Variants in MCPH1 observed in about 807,000 individuals in gnomAD.
MCPH1 encodes the protein microcephalin 1.
In MCPH1, 104 loss-of-function variants were observed where a neutral mutation model predicts 84.5. The observed-to-expected ratio is 1.23, with a 90% CI of 1.05 to 1.45. The LOEUF (loss-of-function observed/expected upper bound fraction) is 1.45, where lower values mean the gene tolerates loss of function less well. Ranked by LOEUF, MCPH1 falls within the 40% of genes most tolerant of loss-of-function variation. MCPH1 has a pLI of 0.00. For missense variants in MCPH1, 1,498 were observed against 1,005.7 expected (o/e 1.49, Z -6.62); for synonymous variants, 514 against 366.8 (o/e 1.40, Z -4.58).
chr8:6,420,578 T>C (rs1270843569), intron 3 of MCPH1, among the ~76,000 whole-genome samples: 1 of 152,156 alleles, frequency 6.6e-6, no homozygotes, highest in Non-Finnish European at 1.5e-5. Flanking sequence ...GCCATCATTG[T>C]TTTCTCTACC....
At chr8:6,626,361 C>A (rs1832073796) in intron 13 of MCPH1, 1 of 985,134 alleles carries the variant, frequency 1.0e-6, no homozygotes, top group Non-Finnish European at 1.2e-6. Flanking sequence ...TACGTTCCCT[C>A]TTCATTCCCT....
chr8:6,466,747 G>C (rs938261941), intron 9 of MCPH1, among the ~76,000 whole-genome samples: 2 of 151,482 alleles, frequency 1.3e-5, no homozygotes, highest in Admixed American at 6.6e-5. Context: ...CCTAATTTTT[G>C]TACTTTTAAG....
chr8:6,475,727 G>T (rs1228590877), intron 9 of MCPH1, among the ~76,000 whole-genome samples: 2 of 152,316 alleles, frequency 1.3e-5, no homozygotes, highest in East Asian at 3.9e-4. Flanking sequence ...GGGGGCCAGG[G>T]CATTGTCCAA....
At chr8:6,542,281 G>T (rs1033901722) in intron 12 of MCPH1, among the ~76,000 whole-genome samples, 1 of 151,666 alleles carries the variant, frequency 6.6e-6, no homozygotes, top group African/African-American at 2.4e-5. Flanking sequence ...GTCTACACAT[G>T]TGAGGTAGGG....
At chr8:6,566,765 T>C (rs2442532) in intron 12 of MCPH1, among the ~76,000 whole-genome samples, 105,739 of 145,374 alleles carry the variant, frequency 0.73, 40,407 homozygotes, top group Non-Finnish European at 0.85. Context: ...CATGTGTGAT[T>C]GGCATGACCA....
chr8:6,518,726 T>C (rs111529230), intron 12 of MCPH1, among the ~76,000 whole-genome samples: 20 of 152,332 alleles, frequency 1.3e-4, no homozygotes, highest in African/African-American at 3.1e-4. Flanking sequence ...CTGTATTCTC[T>C]GTAGTTATTT....
At chr8:6,505,240 ATATATATTCTTTATATATGTTT>A (rs1242434524) in intron 12 of MCPH1, among the ~76,000 whole-genome samples, 4 of 790 alleles carry the variant, frequency 5.1e-3, no homozygotes, top group Admixed American at 0.02. Flanking sequence ...TATATATAGA[ATATATATTCTTTATATATGTTT>A]TATATATATG....
chr8:6,537,871 G>T (rs1820787293), intron 12 of MCPH1, among the ~76,000 whole-genome samples: 1 of 152,058 alleles, frequency 6.6e-6, no homozygotes, highest in Non-Finnish European at 1.5e-5. Context: ...TGTAGATGCT[G>T]GTTGAGAGAT....
At chr8:6,583,684 A>G (rs564128879) in intron 12 of MCPH1, among the ~76,000 whole-genome samples, 1 of 152,312 alleles carries the variant, frequency 6.6e-6, no homozygotes, top group Non-Finnish European at 1.5e-5. Context: ...TGGTGATTGG[A>G]AATGAGCTCA....
At chr8:6,409,192 A>T in intron 1 of MCPH1, 87 bp from the exon 2 acceptor site, 1 of 1,160,004 alleles carries the variant, frequency 8.6e-7, no homozygotes, top group Non-Finnish European at 1.3e-6. Flanking sequence ...GCCTCGGTTT[A>T]CTCTTAAATG....
intron 12 of MCPH1, among the ~76,000 whole-genome samples, chr8:6,554,559 T>A (rs998932080): frequency 6.6e-6 from 1 of 152,236 alleles, no homozygotes; most frequent in African/African-American, 2.4e-5. Context: ...AGGTAATTTT[T>A]AATGTATATT....
intron 12 of MCPH1, among the ~76,000 whole-genome samples, chr8:6,553,330 A>T (rs1358653141): frequency 1.3e-5 from 2 of 152,180 alleles, no homozygotes; most frequent in African/African-American, 4.8e-5. Flanking sequence ...CAACAACAAC[A>T]AAATGTTATT....
chr8:6,430,165 C>T (rs1801631295), intron 3 of MCPH1, among the ~76,000 whole-genome samples: 1 of 152,204 alleles, frequency 6.6e-6, no homozygotes, highest in African/African-American at 2.4e-5. Context: ...ACTCGTTATG[C>T]AACCTGTTGC....
chr8:6,408,914 C>G (rs1463416325), intron 1 of MCPH1, among the ~76,000 whole-genome samples: 1 of 149,072 alleles, frequency 6.7e-6, no homozygotes, highest in Non-Finnish European at 1.5e-5. Context: ...TGAAACGGGT[C>G]TCGCCCTGTC....
chr8:6,446,808 G>A (rs1428484133), intron 8 of MCPH1: 1 of 985,218 alleles, frequency 1.0e-6, no homozygotes, highest in Admixed American at 6.2e-5. Context: ...GTGTGGCATG[G>A]CCTAAAATCC....
chr8:6,416,564 C>A lies in MCPH1; in HGVS notation c.233+1681C>A, dbSNP rs199828516. 2.6e-4 allele frequency among the ~76,000 whole-genome samples: 39 copies of A among 152,264 alleles called. No individual in the cohort carries two copies. The East Asian group carries it at 5.2e-3, about 20-fold the overall frequency. ...GGTTGTCAGATGTTTTTCTGCATGACTGATCATCATGTGATTTTTGTCCTT... is the reference window on the plus strand; with the variant it reads ...GGTTGTCAGATGTTTTTCTGCATGAATGATCATCATGTGATTTTTGTCCTT... On this transcript the variant is annotated intron_variant, in intron 3 of 13. Transcript: ENST00000344683.
intron 13 of MCPH1, among the ~76,000 whole-genome samples, chr8:6,632,102 G>A (rs926884830): frequency 2.6e-5 from 4 of 152,260 alleles, no homozygotes; most frequent in Non-Finnish European, 4.4e-5. Context: ...AATATCATAC[G>A]ACTACACTTA....
intron 12 of MCPH1, among the ~76,000 whole-genome samples, chr8:6,574,356 G>A (rs1826893624): frequency 6.6e-6 from 1 of 151,872 alleles, no homozygotes; most frequent in Admixed American, 6.6e-5. Flanking sequence ...TGTCTACACG[G>A]CCGTCTTTTT....
intron 4 of MCPH1, 79 bp from the exon 5 acceptor site, chr8:6,435,967 CAG>C (rs1174033418): frequency 1.2e-5 from 19 of 1,540,182 alleles, no homozygotes; most frequent in Non-Finnish European, 1.7e-5. Flanking sequence ...TAAAAGGTAT[CAG>C]AAATGTATGC....
Sources: allele counts gnomAD v4.1 joint callset (sites outside exome capture counted in the v4.1 genomes callset), GRCh38; gene constraint gnomAD v4.1.1; transcripts MANE v1.5; gene names NCBI Gene and HGNC (gene_info 2026-07-23, HGNC 2026-07-21).